ZCWPW2: variants seen among roughly 807,000 people sequenced by gnomAD.
ZCWPW2 encodes zinc finger CW-type PWWP domain protein 2.
In ZCWPW2, 45 loss-of-function variants were observed where a neutral mutation model predicts 46.6. The observed-to-expected ratio is 0.96, with a 90% CI of 0.76 to 1.24. The LOEUF (loss-of-function observed/expected upper bound fraction) is 1.24, where lower values mean the gene tolerates loss of function less well. Among genes scored for constraint, ZCWPW2 ranks in the 50% most tolerant of loss-of-function variants. The pLI is 0.00. For synonymous variants in ZCWPW2, 152 were observed against 137.1 expected (o/e 1.11, Z -0.76); for missense variants, 429 against 403.9 (o/e 1.06, Z -0.53).
intron 1 of ZCWPW2, among the ~76,000 whole-genome samples, chr3:28,390,052 C>G (rs1350261865): frequency 6.6e-6 from 1 of 152,166 alleles, no homozygotes; most frequent in African/African-American, 2.4e-5. Flanking sequence ...CCCAGCCAAG[C>G]TGACACATAA....
In ZCWPW2 at chr3:28,478,859, C is replaced by T. The variant is rs757444282; in HGVS notation, c.538C>T (p.Gln180Ter). 8.8e-6 allele frequency: 14 copies of T among 1,584,252 alleles called. No homozygotes were observed. The South Asian group carries it at 1.7e-4, about 19-fold the overall frequency. The change falls in exon 5 of 10, where the codon CAA becomes TAA. Residue 180 changes from glutamine to a stop codon, truncating the protein, a stop_gained. Transcript: ENST00000383768. LOFTEE classifies it high-confidence loss of function. Reference sequence around the variant, plus strand: ...AAAGAAGTGGTATAAAAGTGCACTACAAGAAGCATGTCTACTCTATGGATA... The same window carrying T: ...AAAGAAGTGGTATAAAAGTGCACTATAAGAAGCATGTCTACTCTATGGATA... ...NKKKWYKSAL[Q>*]EACLLYGYSH...
At chr3:28,374,148 A>G (rs1705427439) in intron 1 of ZCWPW2, among the ~76,000 whole-genome samples, 1 of 152,060 alleles carries the variant, frequency 6.6e-6, no homozygotes, top group Admixed American at 6.6e-5. Flanking sequence ...TCTTTAGTCC[A>G]TTTTGATTTG....
intron 4 of ZCWPW2, among the ~76,000 whole-genome samples, chr3:28,436,265 A>C (rs1053759459): frequency 1.3e-5 from 2 of 152,118 alleles, no homozygotes; most frequent in Admixed American, 1.3e-4. Context: ...AACTTGATAA[A>C]AAGTGGATGT....
At chr3:28,452,340 A>G (rs181579407) in intron 4 of ZCWPW2, among the ~76,000 whole-genome samples, 2 of 152,298 alleles carry the variant, frequency 1.3e-5, no homozygotes, top group African/African-American at 4.8e-5. Flanking sequence ...GCTGGAGTGC[A>G]GTGGCACAGT....
intron 4 of ZCWPW2, among the ~76,000 whole-genome samples, chr3:28,441,364 C>G (rs534291481): frequency 1.3e-5 from 2 of 152,298 alleles, no homozygotes; most frequent in East Asian, 3.9e-4. Context: ...GCCCTTGAAT[C>G]AGTATATAAT....
At chr3:28,496,777 T>C (rs1700001834) in intron 6 of ZCWPW2, among the ~76,000 whole-genome samples, 3 of 151,912 alleles carry the variant, frequency 2.0e-5, no homozygotes, top group Admixed American at 6.6e-5. Context: ...ACATACATGT[T>C]GTTTCATTTT....
chr3:28,465,513 A>G (rs1288285983), intron 4 of ZCWPW2, among the ~76,000 whole-genome samples: 1 of 152,334 alleles, frequency 6.6e-6, no homozygotes, highest in East Asian at 1.9e-4. Context: ...ATCTCACGAA[A>G]AGAACATGAA....
intron 2 of ZCWPW2, among the ~76,000 whole-genome samples, chr3:28,412,485 G>T (rs1464756927): frequency 3.9e-5 from 6 of 151,974 alleles, no homozygotes; most frequent in Admixed American, 3.3e-4. Context: ...TACTCAAGAG[G>T]CAGTACAAAC....
intron 2 of ZCWPW2, among the ~76,000 whole-genome samples, chr3:28,403,023 A>G (rs779206165): frequency 2.6e-5 from 4 of 152,196 alleles, no homozygotes; most frequent in Non-Finnish European, 5.9e-5. Flanking sequence ...CTTCTCTTCC[A>G]CATAGTACTG....
chr3:28,421,970 T>G (rs374094609), intron 3 of ZCWPW2, among the ~76,000 whole-genome samples: 3 of 152,000 alleles, frequency 2.0e-5, no homozygotes, highest in African/African-American at 7.2e-5. Flanking sequence ...TTAAATTTCC[T>G]AGGTTTTTCT....
chr3:28,429,898 C>A (rs1697178087), intron 3 of ZCWPW2, among the ~76,000 whole-genome samples: 1 of 152,202 alleles, frequency 6.6e-6, no homozygotes, highest in Admixed American at 6.5e-5. Flanking sequence ...TCAGAACCTC[C>A]ACCTAGATTT....
chr3:28,403,174 A>G (rs1696017931), intron 2 of ZCWPW2, among the ~76,000 whole-genome samples: 1 of 152,154 alleles, frequency 6.6e-6, no homozygotes, highest in South Asian at 2.1e-4. Flanking sequence ...GAAAGTTCCT[A>G]GAACTGATAA....
intron 3 of ZCWPW2, among the ~76,000 whole-genome samples, chr3:28,414,028 T>G (rs1248800263): frequency 6.6e-6 from 1 of 152,102 alleles, no homozygotes; most frequent in Admixed American, 6.6e-5. Context: ...GTGTGCACTT[T>G]CAGTATATAA....
At chr3:28,487,136 G>A (rs1214252346) in intron 5 of ZCWPW2, among the ~76,000 whole-genome samples, 3 of 151,918 alleles carry the variant, frequency 2.0e-5, no homozygotes, top group Admixed American at 6.6e-5. Context: ...TGGATATATG[G>A]TTTGGCATCT....
intron 3 of ZCWPW2, among the ~76,000 whole-genome samples, chr3:28,425,596 T>A (rs1362361955): frequency 6.6e-6 from 1 of 152,192 alleles, no homozygotes; most frequent in Non-Finnish European, 1.5e-5. Flanking sequence ...TTGTCAACAT[T>A]TCAGAGTTAT....
In ZCWPW2 at chr3:28,377,363, G is replaced by A. The variant is rs114617915; in HGVS notation, c.-133-13135G>A. Among the ~76,000 whole-genome samples the A allele has an allele frequency of 6.8e-3, 1,036 of 152,072 alleles. 9 individuals are homozygous for A. Among genetic ancestry groups the A allele is most frequent in the African/African-American group, 0.023 (941 of 41,532 alleles). Reference sequence around the variant, plus strand: ...TCTCACTAGAACTGAGAGTAAGAACGTTATTACTCTTTGTTAGGATTATGA... The same window carrying A: ...TCTCACTAGAACTGAGAGTAAGAACATTATTACTCTTTGTTAGGATTATGA... On this transcript the variant is annotated intron_variant, in intron 1 of 9. Transcript: ENST00000383768.
chr3:28,499,543 A>G (rs1700085986), intron 6 of ZCWPW2, among the ~76,000 whole-genome samples: 2 of 151,986 alleles, frequency 1.3e-5, no homozygotes, highest in Admixed American at 6.6e-5. Context: ...TAGATTCTGG[A>G]TATTAGCCCT....
chr3:28,455,574 T>C (rs1698391433), intron 4 of ZCWPW2, among the ~76,000 whole-genome samples: 1 of 152,196 alleles, frequency 6.6e-6, no homozygotes, highest in South Asian at 2.1e-4. Context: ...ATGTTCTGAA[T>C]GGTATTGCCT....
intron 4 of ZCWPW2, among the ~76,000 whole-genome samples, chr3:28,436,525 T>G (rs1342192719): frequency 2.6e-5 from 4 of 152,110 alleles, no homozygotes; most frequent in Admixed American, 1.3e-4. Flanking sequence ...TGCAATTTAA[T>G]CCACAGTAAA....
Sources: allele counts gnomAD v4.1 joint callset (sites outside exome capture counted in the v4.1 genomes callset), GRCh38; gene constraint gnomAD v4.1.1; transcripts MANE v1.5; gene names NCBI Gene and HGNC (gene_info 2026-07-23, HGNC 2026-07-21).